Variants in GALNT18 observed in about 807,000 individuals in gnomAD.
GALNT18 encodes polypeptide N-acetylgalactosaminyltransferase 18, also known as GalNAc-transferase 18.
A neutral mutation model predicts 69.5 loss-of-function variants in GALNT18; 44 were observed. The observed-to-expected ratio is 0.63, with a 90% CI of 0.50 to 0.81. The LOEUF is 0.81. Ranked by LOEUF, GALNT18 falls within the 40% of genes least tolerant of loss-of-function variation. GALNT18 has a pLI of 0.00. For missense variants in GALNT18, 715 were observed against 810.0 expected, an observed-to-expected ratio of 0.88 and a Z score of 1.42; for synonymous variants, 364 against 318.2, an observed-to-expected ratio of 1.14 and a Z score of -1.53.
At chr11:11,316,624 G>A (rs561781622) in intron 9 of GALNT18, among the ~76,000 whole-genome samples, 10 of 152,174 alleles carry the variant, frequency 6.6e-5, no homozygotes, top group Admixed American at 1.3e-4. Flanking sequence ...AATTAAAGTC[G>A]CTTTCATCTT....
chr11:11,301,725 G>T (rs192530543), intron 9 of GALNT18, among the ~76,000 whole-genome samples: 3 of 152,152 alleles, frequency 2.0e-5, no homozygotes, highest in African/African-American at 7.2e-5. Flanking sequence ...GTGAGGAGTC[G>T]ATCCCATTCA....
chr11:11,329,356 A>G (rs1485871280), intron 8 of GALNT18, among the ~76,000 whole-genome samples: 1 of 152,172 alleles, frequency 6.6e-6, no homozygotes, highest in East Asian at 1.9e-4. Flanking sequence ...CCTAATTCTC[A>G]TAATGACTAG....
At chr11:11,418,210 G>C (rs549838075) in intron 3 of GALNT18, among the ~76,000 whole-genome samples, 4 of 152,268 alleles carry the variant, frequency 2.6e-5, no homozygotes, top group African/African-American at 9.6e-5. Context: ...ATACAGCATC[G>C]GGTGAGGCTT....
At chr11:11,560,924 T>C (rs951775731) in intron 1 of GALNT18, among the ~76,000 whole-genome samples, 1 of 152,238 alleles carries the variant, frequency 6.6e-6, no homozygotes, top group African/African-American at 2.4e-5. Context: ...AGCCTACTGC[T>C]TGGCTGCCCC....
chr11:11,306,517 A>G (rs572972149), intron 9 of GALNT18, among the ~76,000 whole-genome samples: 6 of 152,310 alleles, frequency 3.9e-5, no homozygotes, highest in African/African-American at 1.4e-4. Flanking sequence ...CCCTGGGGAA[A>G]ATATAACCTG....
chr11:11,531,983 G>A lies in GALNT18; in HGVS notation c.236-83047C>T, dbSNP rs74603018. On this transcript the variant is annotated intron_variant, in intron 1 of 10. Transcript: ENST00000227756. Reference sequence around the variant, plus strand: ...TCTACACACCTGCAGCTGTGTATGCGTGTGTGTCATGAACATATGCATAGG... The same window carrying A: ...TCTACACACCTGCAGCTGTGTATGCATGTGTGTCATGAACATATGCATAGG... 5.0e-3 allele frequency among the ~76,000 whole-genome samples: 769 copies of A among 152,300 alleles called. 10 individuals are homozygous for A. Among genetic ancestry groups the A allele is most frequent in the Admixed American group, 0.025 (383 of 15,302 alleles).
At chr11:11,364,714 C>T (rs769644768) in intron 6 of GALNT18, among the ~76,000 whole-genome samples, 1 of 152,140 alleles carries the variant, frequency 6.6e-6, no homozygotes, top group Admixed American at 6.5e-5. Context: ...GACAGTATTA[C>T]AGTATTCTTT....
In GALNT18 at chr11:11,332,091, C is replaced by A. The variant is rs1168238684; in HGVS notation, c.1416+603G>T. 6.6e-6 allele frequency among the ~76,000 whole-genome samples: 1 copy of A among 152,152 alleles called. No individual in the cohort carries two copies. Among genetic ancestry groups the A allele is most frequent in the Non-Finnish European group, 1.5e-5 (1 of 68,032 alleles). On this transcript the variant is annotated intron_variant, in intron 8 of 10. Transcript: ENST00000227756. This position sits in a 1 kb window ranked among gnomAD's most constrained non-coding sequence, Gnocchi z 4.3. ...AACTGAGGCCCATGACATTAAGACA[C>A]TTACCTGGGAAGCAGCCTGGTTAAG...
intron 1 of GALNT18, among the ~76,000 whole-genome samples, chr11:11,588,549 C>T (rs1859278808): frequency 1.3e-5 from 2 of 152,166 alleles, no homozygotes; most frequent in Non-Finnish European, 2.9e-5. Flanking sequence ...TCCTTTTCTT[C>T]CTTATCACTC....
intron 2 of GALNT18, among the ~76,000 whole-genome samples, chr11:11,443,358 C>T (rs1374160829): frequency 6.6e-6 from 1 of 152,154 alleles, no homozygotes; most frequent in Non-Finnish European, 1.5e-5. Context: ...TCTCACATCT[C>T]CATTTTTCAA....
chr11:11,399,251 G>C (rs1438658987), intron 3 of GALNT18, among the ~76,000 whole-genome samples: 2 of 152,106 alleles, frequency 1.3e-5, no homozygotes, highest in Admixed American at 1.3e-4. Flanking sequence ...CCCTGACTAT[G>C]CTGGCACCCT....
At chr11:11,279,903 AAAATTG>A (rs1382715068) in intron 10 of GALNT18, among the ~76,000 whole-genome samples, 4 of 151,824 alleles carry the variant, frequency 2.6e-5, no homozygotes, top group Non-Finnish European at 5.9e-5. Context: ...CTTCAATTGA[AAAATTG>A]AAATAAAAAA....
At position 11,373,933 on chromosome 11, in the gene GALNT18, C is replaced by T. The variant is rs150825459; in HGVS notation, c.978-1304G>A. Among the ~76,000 whole-genome samples, 417 of 152,318 alleles carry T rather than the reference C, an allele frequency of 2.7e-3. 10 individuals are homozygous for T. Among genetic ancestry groups the T allele is most frequent in the South Asian group, 0.015 (73 of 4,820 alleles). On this transcript the variant is annotated intron_variant, in intron 5 of 10. Transcript: ENST00000227756. ...CTCAGGGATGAGAAAACTGTCGGTC[C>T]ATCACATGCAAATGAACCCATCTTT...
intron 9 of GALNT18, among the ~76,000 whole-genome samples, chr11:11,322,330 C>T (rs1267400191): frequency 2.0e-5 from 3 of 152,234 alleles, no homozygotes; most frequent in Non-Finnish European, 2.9e-5. Context: ...CATATTGTAT[C>T]ATCTGCAGTT....
chr11:11,343,110 G>T (rs1850240284), intron 6 of GALNT18, among the ~76,000 whole-genome samples: 1 of 152,146 alleles, frequency 6.6e-6, no homozygotes, highest in African/African-American at 2.4e-5. Context: ...TTGGGAGGCT[G>T]AGGTGGGTGG....
At chr11:11,407,489 C>T (rs897141208) in intron 3 of GALNT18, among the ~76,000 whole-genome samples, 7 of 152,222 alleles carry the variant, frequency 4.6e-5, no homozygotes, top group African/African-American at 1.7e-4. Flanking sequence ...TTCTGCAGAG[C>T]CAGAGATAAA....
At chr11:11,451,314 AT>A (rs1855793487) in intron 1 of GALNT18, among the ~76,000 whole-genome samples, 1 of 152,222 alleles carries the variant, frequency 6.6e-6, no homozygotes, top group Admixed American at 6.5e-5. Flanking sequence ...ATCATATAAT[AT>A]TTAAAAGAAA....
chr11:11,598,692 T>C lies in GALNT18; in HGVS notation c.235+22667A>G, dbSNP rs1251718200. 1.3e-5 allele frequency among the ~76,000 whole-genome samples: 2 copies of C among 152,200 alleles called. No homozygotes were observed. Among genetic ancestry groups the C allele is most frequent in the African/African-American group, 4.8e-5 (2 of 41,448 alleles). On this transcript the variant is annotated intron_variant, in intron 1 of 10. Transcript: ENST00000227756. The surrounding 1 kb of genome is among the most constrained non-coding windows in gnomAD (Gnocchi z 4.8). ...CTTTTGTCAACCTATCACAGCTAGG[T>C]AATTAAGATATTTTTTCTTTTTCAA... is the stretch of plus-strand genomic sequence containing the variant.
chr11:11,392,832 A>G (rs1032492423), intron 3 of GALNT18, among the ~76,000 whole-genome samples: 9 of 152,322 alleles, frequency 5.9e-5, no homozygotes, highest in African/African-American at 2.2e-4. Flanking sequence ...TACTATAGCC[A>G]TTCTAACATA....
Sources: gnomAD v4.1 joint callset for allele counts (sites outside exome capture counted in the v4.1 genomes callset) on GRCh38, gnomAD v4.1.1 for gene constraint, Gnocchi (gnomAD v3.1) non-coding constraint, MANE v1.5 for transcripts, NCBI Gene and HGNC (gene_info 2026-07-23, HGNC 2026-07-21) for gene names.